SUPT20H: variants seen among roughly 807,000 people sequenced by gnomAD.
The protein encoded by SUPT20H is transcription factor SPT20 homolog.
In SUPT20H, 82 loss-of-function variants were observed where a neutral mutation model predicts 122.8. That is an observed-to-expected ratio of 0.67 (90% CI 0.56 to 0.80). The LOEUF (loss-of-function observed/expected upper bound fraction) is 0.80, where lower values mean the gene tolerates loss of function less well. SUPT20H is among the 30% of genes least tolerant of loss of function. The pLI, the probability that SUPT20H is intolerant of heterozygous loss-of-function variation, is 0.00. For synonymous variants in SUPT20H, 291 were observed against 313.0 expected (o/e 0.93, Z 0.74); for missense variants, 831 against 921.6 (o/e 0.90, Z 1.27).
intron 1 of SUPT20H, among the ~76,000 whole-genome samples, chr13:37,056,637 G>A (rs979093153): frequency 1.3e-5 from 2 of 151,868 alleles, no homozygotes; most frequent in African/African-American, 4.8e-5. Context: ...AGGGGGGAGG[G>A]ATAGCATGAG....
At chr13:37,027,652 G>A (rs563564140) in intron 14 of SUPT20H, among the ~76,000 whole-genome samples, 1 of 152,004 alleles carries the variant, frequency 6.6e-6, no homozygotes, top group Non-Finnish European at 1.5e-5. Flanking sequence ...ACTAAATACT[G>A]ACAGTACCAA....
intron 23 of SUPT20H, chr13:37,012,510 G>T: frequency 2.6e-6 from 1 of 388,934 alleles, no homozygotes; most frequent in Non-Finnish European, 4.7e-6. Flanking sequence ...CAGTGCATCT[G>T]TATTTATTGT....
chr13:37,024,464 C>T (rs774038264), intron 17 of SUPT20H, 22 bp from the exon 18 acceptor site: 1 of 1,467,266 alleles, frequency 6.8e-7, no homozygotes, highest in Non-Finnish European at 9.1e-7. Context: ...TGACATTAAG[C>T]TTACTTGTTA....
intron 1 of SUPT20H, among the ~76,000 whole-genome samples, chr13:37,054,191 AAGG>A (rs2068397402): frequency 6.6e-6 from 1 of 152,216 alleles, no homozygotes; most frequent in Non-Finnish European, 1.5e-5. Context: ...CCAGAGGTAC[AAGG>A]AGGAGGTGGT....
In SUPT20H at chr13:37,022,365, G is replaced by A; in HGVS notation, c.1592-285C>T. The A allele has an allele frequency of 1.5e-6, 2 of 1,341,960 alleles. No individual in the cohort carries two copies. Among genetic ancestry groups the A allele is most frequent in the Non-Finnish European group, 1.9e-6 (2 of 1,047,054 alleles). The allele number at this position is 1,341,960 out of a possible 1,614,324, so 83.1% of individuals were successfully genotyped here. A position where few individuals can be genotyped will look rare whatever the true frequency, so the allele number is the denominator to read the frequency against. ...ATTGCTAGTTTGTTATAAATGGCCA[G>A]TCCTTTTAAAATAAGGTTAATGGAA... On this transcript the variant is annotated intron_variant, in intron 19 of 25. Coordinates refer to ENST00000350612, the MANE Select transcript of SUPT20H (RefSeq NM_001014286.3). This position sits in a 1 kb window ranked among gnomAD's most constrained non-coding sequence, Gnocchi z 4.5.
intron 1 of SUPT20H, among the ~76,000 whole-genome samples, chr13:37,053,049 G>C (rs1192462674): frequency 6.6e-6 from 1 of 152,206 alleles, no homozygotes; most frequent in Non-Finnish European, 1.5e-5. Context: ...AGAGAAACAG[G>C]AACACTTTTA....
chr13:37,040,553 A>G (rs1398381269), intron 8 of SUPT20H, 23 bp downstream of exon 8: 2 of 1,605,518 alleles, frequency 1.2e-6, no homozygotes, highest in East Asian at 4.5e-5. Flanking sequence ...CTAAAATAGT[A>G]TTTCTTAATT....
At chr13:37,037,998 G>A (rs2064801981) in intron 9 of SUPT20H, 1 of 149,796 alleles carries the variant, frequency 6.7e-6, no homozygotes, top group Non-Finnish European at 1.5e-5. Context: ...CCTATAAACT[G>A]CTAGTTACAA....
chr13:37,043,226 G>A (rs2065811419), intron 7 of SUPT20H, among the ~76,000 whole-genome samples: 2 of 152,202 alleles, frequency 1.3e-5, no homozygotes, highest in Non-Finnish European at 2.9e-5. Context: ...CTATTTTAAC[G>A]GGAAGGCAGG....
chr13:37,024,404 C>T lies in SUPT20H; in HGVS notation c.1368G>A (p.Gly456=), dbSNP rs778028349. Residue 456 remains glycine, a synonymous_variant, in exon 18 of 26, where the codon GGG becomes GGA. Coordinates refer to ENST00000350612, the MANE Select transcript of SUPT20H (RefSeq NM_001014286.3). ...GTGGGGGTCGATGTTTTACACCCTT[C>T]CCCAATACCGAAGACTGAACTGACA... is the stretch of plus-strand genomic sequence containing the variant. The part of the protein sequence containing the change: ...ETVSVQSSVL[G]KGVKHRPPPI... 13 of 1,587,334 alleles carry T rather than the reference C, an allele frequency of 8.2e-6. No homozygotes were observed. The African/African-American group carries it at 1.6e-4, about 20-fold the overall frequency.
At chr13:37,019,533 AT>A (rs2061132265) in intron 21 of SUPT20H, 136 bp from the exon 22 acceptor site, 1 of 500,962 alleles carries the variant, frequency 2.0e-6, no homozygotes, top group African/African-American at 2.0e-5. Flanking sequence ...TACTTCAAAA[AT>A]ATCTTAAAAA....
intron 22 of SUPT20H, among the ~76,000 whole-genome samples, chr13:37,017,941 A>G (rs1286763629): frequency 6.6e-6 from 1 of 152,194 alleles, no homozygotes; most frequent in African/African-American, 2.4e-5. Context: ...TTTTTAAAGA[A>G]GCACTCAGAA....
At chr13:37,039,913 TC>T (rs2065160857) in intron 9 of SUPT20H, 1 of 152,206 alleles carries the variant, frequency 6.6e-6, no homozygotes. Context: ...ATCTTTTAAT[TC>T]CAGTTTTCCA....
intron 1 of SUPT20H, among the ~76,000 whole-genome samples, chr13:37,058,082 T>A (rs978403071): frequency 4.7e-5 from 7 of 148,650 alleles, no homozygotes; most frequent in Non-Finnish European, 1.0e-4. Context: ...TGACCAACAA[T>A]GGTGAAACCC....
rs2061988035 is a variant in SUPT20H at position 37,024,969 on chromosome 13, T to A, written c.1329+351A>T. 5 of 213,186 alleles carry A rather than the reference T, an allele frequency of 2.3e-5. No homozygotes were observed. In the South Asian group the frequency reaches 3.0e-4, roughly 13 times the overall value. 13.2% of individuals were successfully genotyped at this position (213,186 alleles called of 1,614,324 possible). On this transcript the variant is annotated intron_variant, in intron 17 of 25. Coordinates refer to ENST00000350612, the MANE Select transcript of SUPT20H (RefSeq NM_001014286.3). ...ATTCTTTTTTTTTTTTGAGATGGAG[T>A]CTTGCTCTGTTGCCCAGGCTGGAGT... is the stretch of plus-strand genomic sequence containing the variant.
chr13:37,045,436 T>G, intron 5 of SUPT20H, 63 bp from the exon 6 acceptor site: 9 of 1,576,104 alleles, frequency 5.7e-6, no homozygotes, highest in Non-Finnish European at 6.0e-6. Context: ...AATAATGCTA[T>G]GATTTAACAA....
intron 10 of SUPT20H, among the ~76,000 whole-genome samples, chr13:37,032,888 A>G (rs952987554): frequency 1.3e-5 from 2 of 152,206 alleles, no homozygotes; most frequent in Non-Finnish European, 2.9e-5. Context: ...TTCAGTTTAT[A>G]ACTGACTTCT....
At chr13:37,037,031 C>T (rs2064573752) in intron 9 of SUPT20H, among the ~76,000 whole-genome samples, 1 of 151,464 alleles carries the variant, frequency 6.6e-6, no homozygotes, top group South Asian at 2.1e-4. Context: ...CCTGTCTCTA[C>T]CAAAAATAAA....
At position 37,032,676 on chromosome 13, in the gene SUPT20H, T is replaced by C. The variant is rs1156865347; in HGVS notation, c.707+773A>G. Among the ~76,000 whole-genome samples the C allele has an allele frequency of 3.3e-5, 5 of 152,162 alleles. No individual in the cohort carries two copies. The South Asian group carries it at 1.0e-3, about 32-fold the overall frequency. On this transcript the variant is annotated intron_variant, in intron 10 of 25. Coordinates refer to ENST00000350612, the MANE Select transcript of SUPT20H (RefSeq NM_001014286.3). ...CTAGTCACTGGGAGCCCCCAGACTT[T>C]TGGGGGTTTTATCTCCAGGAGCTCA...
Sources: gnomAD v4.1 joint callset for allele counts (sites outside exome capture counted in the v4.1 genomes callset) on GRCh38, gnomAD v4.1.1 for gene constraint, Gnocchi (gnomAD v3.1) non-coding constraint, MANE v1.5 for transcripts, NCBI Gene and HGNC (gene_info 2026-07-23, HGNC 2026-07-21) for gene names.